The following ERBB4 variants were observed in gnomAD, a reference collection of about 807,000 sequenced individuals.
ERBB4 encodes the protein erb-b2 receptor tyrosine kinase 4.
ERBB4 carries 42 observed loss-of-function variants against 158.0 expected under a neutral mutation model. That is an observed-to-expected ratio of 0.27 (90% CI 0.21 to 0.34). The LOEUF (loss-of-function observed/expected upper bound fraction) is 0.34. Among genes scored for constraint, ERBB4 ranks in the 10% least tolerant of loss-of-function variants. The pLI, the probability that ERBB4 is intolerant of heterozygous loss-of-function variation, is 1.00. For missense variants in ERBB4, 1,333 were observed against 1,624.1 expected (o/e 0.82, Z 3.08); for synonymous variants, 583 against 558.7 (o/e 1.04, Z -0.61).
intron 13 of ERBB4, among the ~76,000 whole-genome samples, chr2:211,675,851 A>T (rs58225230): frequency 0.4 from 56,281 of 141,132 alleles, 12,830 homozygotes; most frequent in East Asian, 0.9. Context: ...TCATATTTAT[A>T]TTTGATTACT....
intron 27 of ERBB4, among the ~76,000 whole-genome samples, chr2:211,385,549 C>G (rs1262662022): frequency 6.6e-6 from 1 of 152,154 alleles, no homozygotes; most frequent in Non-Finnish European, 1.5e-5. Flanking sequence ...AATTTGGTCT[C>G]TCTTACCAGA....
intron 23 of ERBB4, among the ~76,000 whole-genome samples, chr2:211,423,754 T>G (rs981337694): frequency 1.3e-5 from 2 of 151,980 alleles, no homozygotes; most frequent in African/African-American, 4.8e-5. Context: ...TTTCAAGCTT[T>G]TTTCCTTCAT....
At chr2:212,382,754 C>T (rs1042392077) in intron 1 of ERBB4, among the ~76,000 whole-genome samples, 1 of 151,144 alleles carries the variant, frequency 6.6e-6, no homozygotes, top group Non-Finnish European at 1.5e-5. Flanking sequence ...TGTTTAATAG[C>T]AGGAAAAATA....
intron 19 of ERBB4, among the ~76,000 whole-genome samples, chr2:211,574,231 A>G (rs1348475576): frequency 1.3e-5 from 2 of 152,158 alleles, no homozygotes; most frequent in African/African-American, 4.8e-5. Context: ...CTGACAGAAA[A>G]CAGTTTTGCT....
At chr2:212,420,988 A>T (rs1560274331) in intron 1 of ERBB4, among the ~76,000 whole-genome samples, 1 of 152,270 alleles carries the variant, frequency 6.6e-6, no homozygotes, top group South Asian at 2.1e-4. Flanking sequence ...CTCTGGACTG[A>T]CACTTGTTTT....
At chr2:211,859,983 A>C (rs769080816) in intron 3 of ERBB4, among the ~76,000 whole-genome samples, 2 of 152,212 alleles carry the variant, frequency 1.3e-5, no homozygotes, top group African/African-American at 2.4e-5. Flanking sequence ...TTGTTAATGC[A>C]ATCATTAAAT....
chr2:212,419,127 T>C (rs1489200756), intron 1 of ERBB4, among the ~76,000 whole-genome samples: 1 of 151,580 alleles, frequency 6.6e-6, no homozygotes, highest in Admixed American at 6.6e-5. Context: ...AACATTTCAG[T>C]TAAGGGCACA....
intron 3 of ERBB4, among the ~76,000 whole-genome samples, chr2:211,919,977 T>A (rs2079813471): frequency 6.6e-6 from 1 of 152,020 alleles, no homozygotes; most frequent in Admixed American, 6.6e-5. Flanking sequence ...AACTATTCCA[T>A]CTCACATATG....
chr2:212,118,856 T>C (rs1442470910), intron 2 of ERBB4, among the ~76,000 whole-genome samples: 1 of 152,074 alleles, frequency 6.6e-6, no homozygotes, highest in Non-Finnish European at 1.5e-5. Flanking sequence ...GCATTTGTTA[T>C]TCATTATCTG....
At chr2:211,865,087 C>G (rs2078171234) in intron 3 of ERBB4, among the ~76,000 whole-genome samples, 1 of 152,070 alleles carries the variant, frequency 6.6e-6, no homozygotes, top group Middle Eastern at 3.4e-3. Flanking sequence ...GCTTAAAATT[C>G]CTTTTTTGGG....
At chr2:211,713,724 T>C (rs1188366034) in intron 7 of ERBB4, 76 bp from the exon 8 acceptor site, 1 of 881,470 alleles carries the variant, frequency 1.1e-6, no homozygotes, top group South Asian at 1.4e-5. Context: ...CAAGATATTT[T>C]AGGGTTTAAA....
At chr2:211,629,839 G>T (rs1167495231) in intron 17 of ERBB4, among the ~76,000 whole-genome samples, 4 of 152,146 alleles carry the variant, frequency 2.6e-5, no homozygotes, top group Non-Finnish European at 5.9e-5. Context: ...AAACTGGCTA[G>T]CCATATGTAG....
intron 20 of ERBB4, among the ~76,000 whole-genome samples, chr2:211,438,882 T>C (rs1439856605): frequency 2.0e-5 from 3 of 152,176 alleles, no homozygotes; most frequent in Non-Finnish European, 4.4e-5. Context: ...GATTTTGGAA[T>C]ATTAAGGACA....
At chr2:211,885,906 A>G (rs1022328171) in intron 3 of ERBB4, among the ~76,000 whole-genome samples, 1 of 152,208 alleles carries the variant, frequency 6.6e-6, no homozygotes, top group Non-Finnish European at 1.5e-5. Context: ...CAGTATTTAG[A>G]GAAAGTTAAA....
At chr2:212,174,311 T>C (rs552507748) in intron 1 of ERBB4, among the ~76,000 whole-genome samples, 2 of 152,258 alleles carry the variant, frequency 1.3e-5, no homozygotes, top group African/African-American at 4.8e-5. Flanking sequence ...GTCATCAATT[T>C]CTATAGCCTA....
intron 3 of ERBB4, among the ~76,000 whole-genome samples, chr2:211,857,458 T>G (rs569942001): frequency 6.6e-6 from 1 of 152,260 alleles, no homozygotes; most frequent in South Asian, 2.1e-4. Flanking sequence ...ATAATACATT[T>G]TAAACGGCAT....
chr2:211,810,765 C>T (rs1171664000), intron 3 of ERBB4, among the ~76,000 whole-genome samples: 11 of 151,502 alleles, frequency 7.3e-5, no homozygotes, highest in South Asian at 4.2e-4. Flanking sequence ...CTCCGCTTCC[C>T]GGGTTCACGC....
chr2:211,760,756 C>T (rs2075388581), intron 4 of ERBB4, among the ~76,000 whole-genome samples: 1 of 152,316 alleles, frequency 6.6e-6, no homozygotes, highest in African/African-American at 2.4e-5. Context: ...CCAATCTATA[C>T]AGCATGATCA....
intron 5 of ERBB4, among the ~76,000 whole-genome samples, chr2:211,730,468 C>G (rs141079983): frequency 6.6e-6 from 1 of 151,914 alleles, no homozygotes; most frequent in Non-Finnish European, 1.5e-5. Flanking sequence ...TTCCTCTTTC[C>G]CTATCTCCTC....
Sources: allele counts gnomAD v4.1 joint callset (sites outside exome capture counted in the v4.1 genomes callset), GRCh38; gene constraint gnomAD v4.1.1; transcripts MANE v1.5; gene names NCBI Gene and HGNC (gene_info 2026-07-23, HGNC 2026-07-21).